PLBD1: variants seen among roughly 807,000 people sequenced by gnomAD.
PLBD1 encodes the protein phospholipase B domain containing 1.
Under a neutral mutation model 63.0 loss-of-function variants are expected in PLBD1, and 60 were observed. The ratio of observed to expected loss-of-function variants is 0.95; its 90% CI spans 0.77 to 1.18. The LOEUF (loss-of-function observed/expected upper bound fraction) is 1.18, where lower values mean the gene tolerates loss of function less well. Ranked by LOEUF, PLBD1 falls within the 50% of genes most tolerant of loss-of-function variation. PLBD1 has a pLI of 0.00. For missense variants in PLBD1, 598 were observed against 677.9 expected, an observed-to-expected ratio of 0.88 and a Z score of 1.31; for synonymous variants, 262 against 248.0, an observed-to-expected ratio of 1.06 and a Z score of -0.53.
At chr12:14,551,373 C>T (rs1209725150) in intron 2 of PLBD1, among the ~76,000 whole-genome samples, 2 of 152,094 alleles carry the variant, frequency 1.3e-5, no homozygotes. Flanking sequence ...AACAAACAAA[C>T]AATTTTTACT....
At chr12:14,553,764 G>T in intron 1 of PLBD1, 1 of 329,586 alleles carries the variant, frequency 3.0e-6, no homozygotes, top group Non-Finnish European at 5.8e-6. Flanking sequence ...TCGCAGGATG[G>T]CTCAGCTAGT....
intron 6 of PLBD1, among the ~76,000 whole-genome samples, chr12:14,520,330 A>G (rs867772796): frequency 2.0e-5 from 3 of 152,238 alleles, no homozygotes; most frequent in African/African-American, 4.8e-5. Flanking sequence ...TGACTGCTAA[A>G]TTACACAGAT....
intron 2 of PLBD1, among the ~76,000 whole-genome samples, chr12:14,551,802 A>T (rs1945661490): frequency 6.6e-6 from 1 of 152,210 alleles, no homozygotes; most frequent in African/African-American, 2.4e-5. Context: ...CTTCAAACTC[A>T]CGACTCAATT....
chr12:14,535,603 G>C, intron 6 of PLBD1, 56 bp downstream of exon 6: 1 of 1,573,252 alleles, frequency 6.4e-7, no homozygotes, highest in Non-Finnish European at 8.7e-7. Flanking sequence ...GAATCACTAA[G>C]GTTTTATCCA....
intron 6 of PLBD1, among the ~76,000 whole-genome samples, chr12:14,518,962 G>C (rs1945355691): frequency 1.3e-5 from 2 of 152,088 alleles, no homozygotes; most frequent in Admixed American, 1.3e-4. Context: ...CTCGTATCAA[G>C]GGTGAGTATT....
chr12:14,514,550 A>G (rs371921583), intron 6 of PLBD1, among the ~76,000 whole-genome samples: 59 of 152,214 alleles, frequency 3.9e-4, no homozygotes, highest in African/African-American at 1.3e-3. Flanking sequence ...GATGATGGAA[A>G]TATATAGGCT....
At chr12:14,552,575 A>C (rs1310483947) in intron 2 of PLBD1, among the ~76,000 whole-genome samples, 1 of 152,122 alleles carries the variant, frequency 6.6e-6, no homozygotes, top group African/African-American at 2.4e-5. Context: ...ACAACAAGTG[A>C]CTAGTAGGAT....
At chr12:14,512,152 CTT>C (rs10708766) in intron 6 of PLBD1, among the ~76,000 whole-genome samples, 227 of 137,556 alleles carry the variant, frequency 1.7e-3, no homozygotes, top group Admixed American at 3.1e-3. Context: ...TATAAGTCTA[CTT>C]TTTTTTTTTT....
At chr12:14,518,542 G>A (rs756816966) in intron 6 of PLBD1, among the ~76,000 whole-genome samples, 1 of 152,162 alleles carries the variant, frequency 6.6e-6, no homozygotes, top group Non-Finnish European at 1.5e-5. Context: ...TAGAAAGCAA[G>A]TTACAATAAG....
At chr12:14,558,125 C>T (rs571786614) in intron 1 of PLBD1, among the ~76,000 whole-genome samples, 68 of 151,228 alleles carry the variant, frequency 4.5e-4, no homozygotes, top group African/African-American at 1.0e-3. Flanking sequence ...ATCATGGCAC[C>T]GTGCTCCCGG....
chr12:14,537,674 G>A (rs1003444696), intron 4 of PLBD1, among the ~76,000 whole-genome samples: 4 of 152,128 alleles, frequency 2.6e-5, no homozygotes, highest in East Asian at 1.9e-4. Flanking sequence ...GAGCAGGTCC[G>A]GGTTAGGCAT....
chr12:14,526,351 C>T (rs1945415573), intron 6 of PLBD1, among the ~76,000 whole-genome samples: 1 of 152,164 alleles, frequency 6.6e-6, no homozygotes, highest in Admixed American at 6.5e-5. Context: ...CATACTTAAA[C>T]CCGAAAGCAG....
intron 2 of PLBD1, among the ~76,000 whole-genome samples, chr12:14,551,392 G>C (rs932910415): frequency 3.9e-5 from 6 of 152,110 alleles, no homozygotes; most frequent in African/African-American, 7.2e-5. Flanking sequence ...CTCTAATACA[G>C]AAGTATTTTT....
chr12:14,555,023 A>AT (rs542889275), intron 1 of PLBD1, among the ~76,000 whole-genome samples: 151 of 152,182 alleles, frequency 9.9e-4, no homozygotes, highest in African/African-American at 3.4e-3. Flanking sequence ...ATGTTTAATC[A>AT]AAGCCTTCTA....
At position 14,567,704 on chromosome 12, in the gene PLBD1, C is replaced by A. The variant is rs1329689055; in HGVS notation, c.-8G>T. On this transcript the variant is annotated 5_prime_UTR_variant, in exon 1 of 11. Transcript: ENST00000240617. ...CGGACCGCCGCGGGTCATCGCTCCA[C>A]GGCCGCGACCTTCCTCTGCGGGATC... 3 of 1,425,332 alleles carry A rather than the reference C, an allele frequency of 2.1e-6. No individual in the cohort carries two copies. The highest frequency in any genetic ancestry group is 2.7e-6 in the Non-Finnish European group (3 of 1,103,624). The allele number at this position is 1,425,332 out of a possible 1,614,324, so 88.3% of individuals were successfully genotyped here.
chr12:14,549,237 A>T (rs547064056), intron 2 of PLBD1, among the ~76,000 whole-genome samples: 3 of 152,380 alleles, frequency 2.0e-5, no homozygotes, highest in Admixed American at 6.5e-5. Flanking sequence ...GCACTATGCC[A>T]GACATCTGGG....
intron 1 of PLBD1, among the ~76,000 whole-genome samples, chr12:14,563,690 T>C (rs1054044334): frequency 1.3e-5 from 2 of 152,138 alleles, no homozygotes; most frequent in African/African-American, 2.4e-5. Flanking sequence ...CCCCATGAGA[T>C]AGAGACACTT....
At chr12:14,510,879 C>G (rs1303611986) in intron 8 of PLBD1, among the ~76,000 whole-genome samples, 1 of 152,194 alleles carries the variant, frequency 6.6e-6, no homozygotes, top group African/African-American at 2.4e-5. Flanking sequence ...CTACTAGACT[C>G]CTGAGTCCTT....
intron 2 of PLBD1, among the ~76,000 whole-genome samples, chr12:14,546,809 T>C (rs1945620137): frequency 6.6e-6 from 1 of 152,212 alleles, no homozygotes; most frequent in Admixed American, 6.5e-5. Flanking sequence ...TATAACCATA[T>C]ACAAGACAGA....
Sources: allele counts gnomAD v4.1 joint callset (sites outside exome capture counted in the v4.1 genomes callset), GRCh38; gene constraint gnomAD v4.1.1; transcripts MANE v1.5; gene names NCBI Gene and HGNC (gene_info 2026-07-23, HGNC 2026-07-21).